The following RAB40A variants were observed in gnomAD, a reference collection of about 807,000 sequenced individuals.
The protein encoded by RAB40A is ras-related protein Rab-40A.
For missense variants in RAB40A, 145 were observed against 230.2 expected, an observed-to-expected ratio of 0.63 and a Z score of 2.40; for synonymous variants, 65 against 99.9, an observed-to-expected ratio of 0.65 and a Z score of 2.08.
chrX:103,508,887 T>C (rs1297718652), intron 2 of RAB40A, among the ~76,000 whole-genome samples: 2 of 111,369 alleles, frequency 1.8e-5, no homozygotes, highest in African/African-American at 6.6e-5. Flanking sequence ...TATATAGATA[T>C]AGATATGAAT....
intron 2 of RAB40A, among the ~76,000 whole-genome samples, chrX:103,505,495 C>T (rs1235930579): frequency 9.0e-6 from 1 of 111,520 alleles, no homozygotes; most frequent in East Asian, 2.8e-4. Flanking sequence ...GCCCCTTACT[C>T]TTTTTTTTAG....
At chrX:103,512,543 AT>A (rs2073296413) in intron 2 of RAB40A, among the ~76,000 whole-genome samples, 1 of 111,820 alleles carries the variant, frequency 8.9e-6, no homozygotes, top group Non-Finnish European at 1.9e-5. Flanking sequence ...TAGATTTAGA[AT>A]TACAGCAGTT....
intron 2 of RAB40A, among the ~76,000 whole-genome samples, chrX:103,515,557 A>T (rs980111869): frequency 8.9e-6 from 1 of 112,327 alleles, no homozygotes; most frequent in Middle Eastern, 4.2e-3. Context: ...CTCATTTCTC[A>T]TAACACTCCT....
chrX:103,514,880 T>G (rs2073308790), intron 2 of RAB40A, among the ~76,000 whole-genome samples: 2 of 111,968 alleles, frequency 1.8e-5, no homozygotes, highest in African/African-American at 6.5e-5. Context: ...TATTACTCAT[T>G]AACTTAAAAA....
At chrX:103,506,792 TCA>T (rs1719912222) in intron 2 of RAB40A, among the ~76,000 whole-genome samples, 3 of 111,440 alleles carry the variant, frequency 2.7e-5, no homozygotes, top group African/African-American at 9.9e-5. Flanking sequence ...ACATTCACCT[TCA>T]CACACAGTCT....
Position 103,500,696 on chromosome X carries a change from C to T in RAB40A, c.61G>A (p.Gly21Ser), listed in dbSNP as rs766145292. 31 of 1,209,172 alleles carry T rather than the reference C, an allele frequency of 2.6e-5. No individual in the cohort carries two copies. The highest frequency in any genetic ancestry group is 3.4e-5 in the Non-Finnish European group (30 of 894,998). Residue 21 changes from glycine to serine, a missense_variant, in exon 3 of 3, where the codon GGC becomes AGC. Coordinates refer to ENST00000304236, the MANE Select transcript of RAB40A (RefSeq NM_080879.3). ...TCACTCTTGCCTACGTCCCTGTCGC[C>T]CACCAGCAGGAACTTGAGCAGGAAG... The part of the protein sequence containing the change: ...YDFLLKFLLV[G>S]DRDVGKSEIL...
Position 103,499,189 on chromosome X carries a change from G to A in RAB40A, c.*734C>T, listed in dbSNP as rs1190710448. 8.4e-6 allele frequency: 1 copy of A among 118,649 alleles called. No individual in the cohort carries two copies. Among genetic ancestry groups the A allele is most frequent in the Non-Finnish European group, 1.9e-5 (1 of 53,280 alleles). The allele number at this position is 118,649 out of a possible 1,213,427, so 9.8% of individuals were successfully genotyped here. On this transcript the variant is annotated 3_prime_UTR_variant, in exon 3 of 3. Transcript: ENST00000304236. The stretch of plus-strand genomic sequence containing the variant: ...TACGTATTTCATTCCTTACTGAAAT[G>A]GTTTTTTCTTATTGATCCATTGAAA...
At chrX:103,503,966 T>A (rs980974076) in intron 2 of RAB40A, among the ~76,000 whole-genome samples, 1 of 112,088 alleles carries the variant, frequency 8.9e-6, no homozygotes, top group East Asian at 2.8e-4. Flanking sequence ...CACAGTACTT[T>A]TGACAATCTG....
chrX:103,493,713 C>G, the RAB40A span, among the ~76,000 whole-genome samples: 4 of 112,098 alleles, frequency 3.6e-5, no homozygotes, highest in East Asian at 1.1e-3. Context: ...GCTTATTTTA[C>G]TTAACATAAT....
intron 2 of RAB40A, chrX:103,502,834 G>A (rs1401205452): frequency 4.0e-6 from 3 of 752,315 alleles, no homozygotes; most frequent in African/African-American, 2.3e-5. Flanking sequence ...CATCCTTACC[G>A]AGCTGTCCCA....
intron 1 of RAB40A, among the ~76,000 whole-genome samples, chrX:103,517,900 T>C (rs897573159): frequency 8.9e-6 from 1 of 112,095 alleles, no homozygotes; most frequent in Admixed American, 9.5e-5. Context: ...ATGTAGTGAT[T>C]TCCAGGATAT....
downstream of RAB40A, among the ~76,000 whole-genome samples, chrX:103,498,031 T>G (rs1018316685): frequency 5.3e-5 from 6 of 112,229 alleles, no homozygotes; most frequent in Non-Finnish European, 9.4e-5. Flanking sequence ...CCACCTGTCA[T>G]ATCATCAAAG....
chrX:103,512,287 A>G (rs1047983688), intron 2 of RAB40A, among the ~76,000 whole-genome samples: 1 of 109,588 alleles, frequency 9.1e-6, no homozygotes, highest in Non-Finnish European at 1.9e-5. Flanking sequence ...AAACTAATAC[A>G]AAGCCTTAGT....
intron 2 of RAB40A, chrX:103,501,095 A>G: frequency 3.7e-6 from 1 of 268,500 alleles, no homozygotes; most frequent in Non-Finnish European, 6.8e-6. Context: ...TAAAGGAAGG[A>G]CGGGTATGGG....
chrX:103,516,765 T>C (rs1336799789), intron 2 of RAB40A, among the ~76,000 whole-genome samples: 2 of 111,947 alleles, frequency 1.8e-5, no homozygotes, highest in African/African-American at 3.2e-5. Flanking sequence ...GTACTGTACA[T>C]GCATTACAAA....
In RAB40A at chrX:103,500,318, G is replaced by A. The variant is rs767829004; in HGVS notation, c.439C>T (p.Arg147Cys). Residue 147 changes from arginine to cysteine, a missense_variant, in exon 3 of 3, where the codon CGC becomes TGC. Physicochemically the swap from Arg to Cys is radical, Grantham distance 180 (BLOSUM62 -3). Coordinates refer to ENST00000304236, the MANE Select transcript of RAB40A (RefSeq NM_080879.3). ...PREQAQAYAERLGVTFFEVSP... is the reference protein window; with the variant it reads ...PREQAQAYAECLGVTFFEVSP... Reference sequence around the variant, plus strand: ...ACCTCAAAGAAGGTCACACCCAGGCGCTCGGCGTAGGCCTGGGCCTGCTCC... The same window carrying A: ...ACCTCAAAGAAGGTCACACCCAGGCACTCGGCGTAGGCCTGGGCCTGCTCC... 11 of 1,210,305 alleles carry A rather than the reference G, an allele frequency of 9.1e-6. No homozygotes were observed. In the South Asian group the frequency reaches 1.1e-4, roughly 12 times the overall value.
At chrX:103,503,358 C>T (rs2073238675) in intron 2 of RAB40A, 1 of 750,827 alleles carries the variant, frequency 1.3e-6, no homozygotes, top group Non-Finnish European at 1.6e-6. Context: ...GTCTGGGAAG[C>T]TTATGCACGG....
the RAB40A span, among the ~76,000 whole-genome samples, chrX:103,494,095 T>C: frequency 8.9e-6 from 1 of 112,447 alleles, no homozygotes; most frequent in African/African-American, 3.2e-5. Context: ...TGCCAGCATT[T>C]GTTATTGCCT....
chrX:103,504,204 G>A (rs1009204366), intron 2 of RAB40A, among the ~76,000 whole-genome samples: 4 of 111,111 alleles, frequency 3.6e-5, no homozygotes. Context: ...GGTGGGGCAA[G>A]GGTTGAAAAA....
Sources: allele counts gnomAD v4.1 joint callset (sites outside exome capture counted in the v4.1 genomes callset), GRCh38; gene constraint gnomAD v4.1.1; transcripts MANE v1.5; gene names NCBI Gene and HGNC (gene_info 2026-07-23, HGNC 2026-07-21).